The following P2RY12 variants were observed in gnomAD, a reference collection of about 807,000 sequenced individuals.
P2RY12 encodes P2Y purinoceptor 12.
A neutral mutation model predicts 4.5 loss-of-function variants in P2RY12; 3 were observed. The observed-to-expected ratio is 0.67, with a 90% CI of 0.31 to 1.74. The LOEUF (loss-of-function observed/expected upper bound fraction) is 1.74. Among genes scored for constraint, P2RY12 ranks in the 40% most tolerant of loss-of-function variants. The pLI is 0.09. For synonymous variants in P2RY12, 148 were observed against 154.1 expected, an observed-to-expected ratio of 0.96 and a Z score of 0.29; for missense variants, 356 against 407.8, an observed-to-expected ratio of 0.87 and a Z score of 1.09.
chr3:151,368,659 C>T (rs1190651604), intron 1 of P2RY12, among the ~76,000 whole-genome samples: 77 of 57,658 alleles, frequency 1.3e-3, no homozygotes, highest in African/African-American at 5.8e-3. Flanking sequence ...CATTTCATTT[C>T]ATTTCATTTC....
chr3:151,355,341 A>AT, intron 1 of P2RY12: 1 of 697,458 alleles, frequency 1.4e-6, no homozygotes, highest in South Asian at 2.0e-5. Context: ...TTTTAGACAT[A>AT]TATTTTATAA....
Position 151,337,319 on chromosome 3 carries a change from T to C in P2RY12, c.*498A>G, listed in dbSNP as rs770881434. On this transcript the variant is annotated 3_prime_UTR_variant, in exon 3 of 3. Coordinates refer to ENST00000302632, the MANE Select transcript of P2RY12 (RefSeq NM_022788.5). ...TGAAAAGTTAATAGTTATTATTCTT[T>C]GTGTATCCCACTTACTTAAATTTTT... 2 of 154,504 alleles carry C rather than the reference T, an allele frequency of 1.3e-5. No individual in the cohort carries two copies. Among genetic ancestry groups the C allele is most frequent in the Non-Finnish European group, 2.9e-5 (2 of 69,524 alleles). 9.6% of individuals were successfully genotyped at this position (154,504 alleles called of 1,614,324 possible). A position where few individuals can be genotyped will look rare whatever the true frequency, so the allele number is the denominator to read the frequency against.
At chr3:151,368,675 ATGTC>A (rs1755707397) in intron 1 of P2RY12, among the ~76,000 whole-genome samples, 1 of 67,546 alleles carries the variant, frequency 1.5e-5, no homozygotes, top group Non-Finnish European at 2.9e-5. Flanking sequence ...ATTTCATTTC[ATGTC>A]ATTTCATTTT....
chr3:151,378,238 G>A (rs1711572670), intron 1 of P2RY12: 41 of 1,444,652 alleles, frequency 2.8e-5, no homozygotes, highest in Non-Finnish European at 3.7e-5. Flanking sequence ...CTCACTTCCT[G>A]TAAACCTGTG....
At chr3:151,340,538 C>T (rs1164088472) in intron 2 of P2RY12, 58 bp downstream of exon 2, 1 of 152,510 alleles carries the variant, frequency 6.6e-6, no homozygotes, top group African/African-American at 2.4e-5. Flanking sequence ...AAAAAATGTA[C>T]ACACATATCA....
At chr3:151,342,599 AT>A (rs1451913060) in intron 1 of P2RY12, among the ~76,000 whole-genome samples, 3 of 152,188 alleles carry the variant, frequency 2.0e-5, no homozygotes, top group Non-Finnish European at 4.4e-5. Flanking sequence ...AGGACCACTG[AT>A]TTAAATGGAA....
intron 1 of P2RY12, chr3:151,349,948 G>A: frequency 4.5e-6 from 4 of 891,336 alleles, no homozygotes; most frequent in Non-Finnish European, 6.5e-6. Flanking sequence ...AGGGCGGGAT[G>A]CCACCACCGC....
chr3:151,351,762 A>G (rs968972484), intron 1 of P2RY12, among the ~76,000 whole-genome samples: 8 of 152,268 alleles, frequency 5.3e-5, no homozygotes, highest in African/African-American at 9.6e-5. Context: ...TCCAGAGCCT[A>G]TGGAACTTTT....
At chr3:151,351,120 T>A (rs1753191707) in intron 1 of P2RY12, among the ~76,000 whole-genome samples, 1 of 152,188 alleles carries the variant, frequency 6.6e-6, no homozygotes, top group Non-Finnish European at 1.5e-5. Context: ...ATATACTTTT[T>A]TATGGACTCT....
intron 1 of P2RY12, among the ~76,000 whole-genome samples, chr3:151,364,604 CT>C (rs1001447522): frequency 4.6e-5 from 7 of 152,044 alleles, no homozygotes; most frequent in African/African-American, 1.7e-4. Flanking sequence ...GTAATTGAAT[CT>C]TTTTTTATTT....
chr3:151,368,760 ATTTTTTTTTTTTT>A (rs201834162), intron 1 of P2RY12, among the ~76,000 whole-genome samples: 1 of 80,314 alleles, frequency 1.2e-5, no homozygotes, highest in African/African-American at 4.6e-5. Context: ...ATGTCATTTC[ATTTTTTTTTTTTT>A]TTTTCCAAGA....
intron 1 of P2RY12, chr3:151,376,309 G>T: frequency 1.9e-6 from 2 of 1,029,560 alleles, no homozygotes; most frequent in Non-Finnish European, 2.6e-6. Context: ...TTGCTAATTT[G>T]TGATTTCAAT....
At chr3:151,368,700 A>ATTTTTTTTTTTTTTT (rs1560087739) in intron 1 of P2RY12, among the ~76,000 whole-genome samples, 5 of 25,862 alleles carry the variant, frequency 1.9e-4, no homozygotes, top group Non-Finnish European at 3.1e-4. Flanking sequence ...ATTTCATTTC[A>ATTTTTTTTTTTTTTT]TTTCATTTCA....
At chr3:151,376,137 A>T in intron 1 of P2RY12, 1 of 1,611,082 alleles carries the variant, frequency 6.2e-7, no homozygotes, top group Non-Finnish European at 8.5e-7. Flanking sequence ...ACTGCAGCTT[A>T]TCTGTTATCC....
intron 1 of P2RY12, chr3:151,355,365 T>C: frequency 1.6e-6 from 1 of 616,090 alleles, no homozygotes; most frequent in Non-Finnish European, 2.8e-6. Flanking sequence ...TACTTGGAAG[T>C]ATCTCAGACT....
rs3975402 is a variant in P2RY12, at chr3:151,339,431, T to TAAAA, written c.-14-576_-14-573dup. Among the ~76,000 whole-genome samples, 1,346 of 145,826 alleles carry TAAAA rather than the reference T, an allele frequency of 9.2e-3. 21 individuals carry two copies. Among genetic ancestry groups the TAAAA allele is most frequent in the African/African-American group, 0.028 (1,105 of 39,514 alleles). On this transcript the variant is annotated intron_variant, in intron 2 of 2. Coordinates refer to ENST00000302632, the MANE Select transcript of P2RY12 (RefSeq NM_022788.5). Reference sequence around the variant, plus strand: ...CTTATTAAATAAAATACTGAATCAGTAAAAAAAAAAAAAGCTGACCTTTTT... The same window carrying TAAAA: ...CTTATTAAATAAAATACTGAATCAGTAAAAAAAAAAAAAAAAAGCTGACCTTTTT...
At chr3:151,379,834 C>T (rs1486886541) in intron 1 of P2RY12, among the ~76,000 whole-genome samples, 1 of 152,158 alleles carries the variant, frequency 6.6e-6, no homozygotes, top group Non-Finnish European at 1.5e-5. Flanking sequence ...GATGAATTCA[C>T]TGTCTTCTAC....
intron 2 of P2RY12, among the ~76,000 whole-genome samples, chr3:151,340,188 G>C (rs1751631814): frequency 6.6e-6 from 1 of 152,060 alleles, no homozygotes; most frequent in Admixed American, 6.6e-5. Flanking sequence ...AACCTTTCCT[G>C]CTACTGCTGT....
intron 1 of P2RY12, chr3:151,375,897 A>G (rs1756794395): frequency 3.9e-6 from 2 of 518,376 alleles, no homozygotes; most frequent in Admixed American, 4.3e-5. Flanking sequence ...CTACTTTTTA[A>G]TGTAATTTTT....
Sources: gnomAD v4.1 joint callset for allele counts (sites outside exome capture counted in the v4.1 genomes callset) on GRCh38, gnomAD v4.1.1 for gene constraint, MANE v1.5 for transcripts, NCBI Gene and HGNC (gene_info 2026-07-23, HGNC 2026-07-21) for gene names.